Variants in CCDC171 observed in about 807,000 individuals in gnomAD.
The protein encoded by CCDC171 is coiled-coil domain-containing protein 171.
CCDC171 carries 177 observed loss-of-function variants against 168.2 expected under a neutral mutation model. That is an observed-to-expected ratio of 1.05 (90% CI 0.93 to 1.19). CCDC171 has a LOEUF of 1.19. Ranked by LOEUF, CCDC171 falls within the 50% of genes most tolerant of loss-of-function variation. CCDC171 has a pLI of 0.00. For synonymous variants in CCDC171, 687 were observed against 540.8 expected (o/e 1.27, Z -3.75); for missense variants, 1,991 against 1,539.0 (o/e 1.29, Z -4.91).
chr9:15,614,618 A>G (rs2043952169), intron 6 of CCDC171, among the ~76,000 whole-genome samples: 1 of 152,024 alleles, frequency 6.6e-6, no homozygotes, highest in Non-Finnish European at 1.5e-5. Context: ...TTCTTTGAGG[A>G]TATTTTGAAG....
At chr9:16,019,307 A>T (rs1474009771) in intron 3 of CCDC171, among the ~76,000 whole-genome samples, 1 of 152,178 alleles carries the variant, frequency 6.6e-6, no homozygotes, top group African/African-American at 2.4e-5. Flanking sequence ...GTGGGGATGA[A>T]TCTGAGTGAG....
chr9:16,039,619 T>C (rs1256409400), upstream of CCDC171, among the ~76,000 whole-genome samples: 2 of 152,250 alleles, frequency 1.3e-5, no homozygotes, highest in African/African-American at 4.8e-5. Context: ...TCTGCTGTGC[T>C]ACTCCAGTAG....
intron 16 of CCDC171, among the ~76,000 whole-genome samples, chr9:15,738,084 A>T (rs1332389008): frequency 2.0e-5 from 3 of 152,218 alleles, no homozygotes; most frequent in Non-Finnish European, 4.4e-5. Context: ...AAGTCCTTTG[A>T]TGTCTATATG....
chr9:15,583,283 C>T (rs949545958), intron 4 of CCDC171, among the ~76,000 whole-genome samples: 7 of 151,852 alleles, frequency 4.6e-5, no homozygotes, highest in South Asian at 2.1e-4. Context: ...GGTGTGGTGG[C>T]GCACGCCTGT....
intron 11 of CCDC171, among the ~76,000 whole-genome samples, chr9:15,699,757 A>G (rs573642172): frequency 4.7e-5 from 7 of 149,446 alleles, no homozygotes; most frequent in Non-Finnish European, 7.4e-5. Flanking sequence ...TGTATTTACA[A>G]TCCCTGAGCT....
At chr9:15,644,727 G>A (rs2046900616) in intron 7 of CCDC171, among the ~76,000 whole-genome samples, 1 of 152,218 alleles carries the variant, frequency 6.6e-6, no homozygotes, top group Non-Finnish European at 1.5e-5. Flanking sequence ...GCTTGAGTAG[G>A]TAAACAAAGT....
intron 5 of CCDC171, 50 bp downstream of exon 5, chr9:15,591,606 A>T (rs369497195): frequency 3.9e-6 from 4 of 1,035,882 alleles, no homozygotes; most frequent in Non-Finnish European, 4.3e-6. Flanking sequence ...ATTCACCGAG[A>T]TGTGTTGTAC....
intron 7 of CCDC171, among the ~76,000 whole-genome samples, chr9:15,653,710 C>T (rs560731531): frequency 1.3e-5 from 2 of 152,128 alleles, no homozygotes; most frequent in Non-Finnish European, 2.9e-5. Context: ...TATATAGTTT[C>T]ATCCCTGAAC....
Position 15,784,635 on chromosome 9 carries a change from C to G in CCDC171, c.3208C>G (p.Leu1070Val), listed in dbSNP as rs774357844. The G allele has an allele frequency of 6.2e-7, 1 of 1,613,232 alleles. No individual in the cohort carries two copies. Among genetic ancestry groups the G allele is most frequent in the Non-Finnish European group, 8.5e-7 (1 of 1,179,566 alleles). The part of the protein sequence containing the change: ...AQQLQELNYK[L>V]ELHSSEEADK... ...ACAACTACAGGAATTGAATTATAAA[C>G]TTGAATTGCACTCCAGTGAGGAAGC... The change falls in exon 21 of 26, where the codon CTT (leucine) becomes GTT (valine). Residue 1070 changes from leucine (L) to valine (V), a missense_variant. By Grantham distance (32) the Leu-to-Val change is conservative (BLOSUM62 1). Coordinates refer to ENST00000380701, the MANE Select transcript of CCDC171 (RefSeq NM_173550.4).
intron 18 of CCDC171, among the ~76,000 whole-genome samples, chr9:15,749,723 C>T (rs374685697): frequency 6.6e-6 from 1 of 152,156 alleles, no homozygotes; most frequent in Non-Finnish European, 1.5e-5. Flanking sequence ...TGAATGACTA[C>T]TGGGTAAATA....
At chr9:15,585,675 G>A (rs866170898) in intron 4 of CCDC171, among the ~76,000 whole-genome samples, 1 of 152,138 alleles carries the variant, frequency 6.6e-6, no homozygotes, top group Non-Finnish European at 1.5e-5. Context: ...TGGGTTACAT[G>A]AATGTATTTA....
At chr9:15,654,749 A>T (rs992593775) in intron 7 of CCDC171, among the ~76,000 whole-genome samples, 9 of 152,170 alleles carry the variant, frequency 5.9e-5, no homozygotes, top group Non-Finnish European at 2.9e-5. Context: ...TGATTTCAGC[A>T]TTTCCAACTC....
At chr9:15,916,663 GGTCTTCTA>G in intron 24 of CCDC171, among the ~76,000 whole-genome samples, 1 of 151,796 alleles carries the variant, frequency 6.6e-6, no homozygotes, top group Non-Finnish European at 1.5e-5. Flanking sequence ...TTATATAAAT[GGTCTTCTA>G]GTCTTCAAGT....
chr9:16,035,505 T>G (rs1373592428), exon 7 of CCDC171: 1 of 152,188 alleles, frequency 6.6e-6, no homozygotes, highest in South Asian at 2.1e-4. Flanking sequence ...ATTTATGAAC[T>G]GAAGAACACT....
At chr9:16,087,788 A>G in the CCDC171 span, among the ~76,000 whole-genome samples, 1 of 152,068 alleles carries the variant, frequency 6.6e-6, no homozygotes, top group African/African-American at 2.4e-5. Context: ...TCCTGTCATT[A>G]TGATGCTAGC....
At chr9:16,071,348 TAC>T in the CCDC171 span, among the ~76,000 whole-genome samples, 147 of 152,282 alleles carry the variant, frequency 9.7e-4, no homozygotes, top group African/African-American at 3.4e-3. Context: ...GTCTCTCCCA[TAC>T]AGAGTCTCCT....
In CCDC171 at chr9:15,873,336, T is replaced by G. The variant is rs1425191070; in HGVS notation, c.3469-1196T>G. On this transcript the variant is annotated intron_variant, in intron 23 of 25. Coordinates refer to ENST00000380701, the MANE Select transcript of CCDC171 (RefSeq NM_173550.4). ...AGGCTAGAAAAATGGAGGAGAAATT[T>G]TCTATCTTGTATTTTTGCCAAGTTA... is the stretch of plus-strand genomic sequence containing the variant. 2.6e-5 allele frequency among the ~76,000 whole-genome samples: 4 copies of G among 152,100 alleles called. No individual in the cohort carries two copies. In the East Asian group the frequency reaches 7.7e-4, roughly 29 times the overall value.
At chr9:15,593,104 T>A (rs1448633632) in intron 5 of CCDC171, among the ~76,000 whole-genome samples, 1 of 151,990 alleles carries the variant, frequency 6.6e-6, no homozygotes, top group Non-Finnish European at 1.5e-5. Flanking sequence ...AGTTTGGAGT[T>A]GAATCTGAGT....
At position 15,695,233 on chromosome 9, in the gene CCDC171, A is replaced by C; in HGVS notation, c.1216-2A>C. Reference sequence around the variant, plus strand: ...ATGTGTAATTTTTTTCTTAATTAAAAGGCTAAGAAGCACCAGGCCTTCCTA... The same window carrying C: ...ATGTGTAATTTTTTTCTTAATTAAACGGCTAAGAAGCACCAGGCCTTCCTA... On this transcript the variant is annotated splice_acceptor_variant, in intron 10 of 25. Coordinates refer to ENST00000380701, the MANE Select transcript of CCDC171 (RefSeq NM_173550.4). LOFTEE classifies it high-confidence loss of function. The C allele has an allele frequency of 6.2e-7, 1 of 1,610,236 alleles. No individual in the cohort carries two copies. Among genetic ancestry groups the C allele is most frequent in the Non-Finnish European group, 8.5e-7 (1 of 1,176,566 alleles).
Sources: gnomAD v4.1 joint callset for allele counts (sites outside exome capture counted in the v4.1 genomes callset) on GRCh38, gnomAD v4.1.1 for gene constraint, MANE v1.5 for transcripts, NCBI Gene and HGNC (gene_info 2026-07-23, HGNC 2026-07-21) for gene names.